MGMT: variants seen among roughly 807,000 people sequenced by gnomAD.
MGMT encodes the protein O-6-methylguanine-DNA methyltransferase.
MGMT carries 14 observed loss-of-function variants against 15.9 expected under a neutral mutation model. That is an observed-to-expected ratio of 0.88 (90% CI 0.58 to 1.37). The LOEUF (loss-of-function observed/expected upper bound fraction) is 1.37. Ranked by LOEUF, MGMT falls within the 40% of genes most tolerant of loss-of-function variation. MGMT has a pLI of 0.00. For synonymous variants in MGMT, 130 were observed against 118.2 expected, an observed-to-expected ratio of 1.10 and a Z score of -0.65; for missense variants, 282 against 268.1, an observed-to-expected ratio of 1.05 and a Z score of -0.36.
rs143413547 is a variant in MGMT at position 129,528,675 on chromosome 10, G to A, written c.-12-7566G>A. Among the ~76,000 whole-genome samples, 701 of 152,214 alleles carry A rather than the reference G, an allele frequency of 4.6e-3. 6 individuals carry two copies. Among genetic ancestry groups the A allele is most frequent in the African/African-American group, 0.016 (660 of 41,512 alleles). The stretch of plus-strand genomic sequence containing the variant: ...GGAGAACCGTGGTGGCGGAGTGGCC[G>A]TGGAGAGCTGCGGTGGTGGAGTAGC... On this transcript the variant is annotated intron_variant, in intron 1 of 4. Coordinates refer to ENST00000651593, the MANE Select transcript of MGMT (RefSeq NM_002412.5).
At chr10:129,544,999 A>G (rs1442543235) in intron 2 of MGMT, among the ~76,000 whole-genome samples, 14 of 152,202 alleles carry the variant, frequency 9.2e-5, no homozygotes. Context: ...CCTGTGGAAT[A>G]GCCCCTGCTT....
chr10:129,748,821 C>A (rs1481505765), intron 3 of MGMT, among the ~76,000 whole-genome samples: 1 of 152,206 alleles, frequency 6.6e-6, no homozygotes, highest in Non-Finnish European at 1.5e-5. Context: ...ATCCCACTCA[C>A]AATGAGAAAC....
rs185097546 is a variant in MGMT, at chr10:129,478,246, C to G, written c.-13+10950C>G. ...GTTGGTTGGTTGATTTTTTCCCCCCCTCCAGATTGGTCAGTATACACACAC... is the reference window on the plus strand; with the variant it reads ...GTTGGTTGGTTGATTTTTTCCCCCCGTCCAGATTGGTCAGTATACACACAC... On this transcript the variant is annotated intron_variant, in intron 1 of 4. Coordinates refer to ENST00000651593, the MANE Select transcript of MGMT (RefSeq NM_002412.5). 2.5e-4 allele frequency among the ~76,000 whole-genome samples: 38 copies of G among 152,156 alleles called. No individual in the cohort carries two copies. The South Asian group carries it at 6.0e-3, about 24-fold the overall frequency.
intron 4 of MGMT, among the ~76,000 whole-genome samples, chr10:129,765,637 T>A (rs1345264078): frequency 6.6e-6 from 1 of 152,184 alleles, no homozygotes; most frequent in Non-Finnish European, 1.5e-5. Context: ...GCCATCACTG[T>A]CCCCTCTGGC....
rs115203352 is a variant in MGMT at position 129,620,106 on chromosome 10, A to G, written c.125+83729A>G. 9.2e-3 allele frequency among the ~76,000 whole-genome samples: 1,394 copies of G among 152,268 alleles called. 18 individuals carry two copies. Among genetic ancestry groups the G allele is most frequent in the African/African-American group, 0.031 (1,306 of 41,560 alleles). On this transcript the variant is annotated intron_variant, in intron 2 of 4. Transcript: ENST00000651593. Reference sequence around the variant, plus strand: ...TTGGAGGCCGTTCATGATCCTTTCTAAGATTGGTCATTGATAGGAAACTTT... The same window carrying G: ...TTGGAGGCCGTTCATGATCCTTTCTGAGATTGGTCATTGATAGGAAACTTT...
At chr10:129,472,823 G>T (rs991064560) in intron 1 of MGMT, among the ~76,000 whole-genome samples, 8 of 152,190 alleles carry the variant, frequency 5.3e-5, no homozygotes, top group East Asian at 1.9e-4. Flanking sequence ...CCTCTGGTGC[G>T]TCTGAGGTCA....
At chr10:129,704,134 A>T (rs1848131379) in intron 2 of MGMT, among the ~76,000 whole-genome samples, 1 of 152,230 alleles carries the variant, frequency 6.6e-6, no homozygotes, top group East Asian at 1.9e-4. Context: ...GTTAGCAAAG[A>T]GCAGAGCAAG....
At chr10:129,578,223 T>C (rs1846509554) in intron 2 of MGMT, among the ~76,000 whole-genome samples, 1 of 152,194 alleles carries the variant, frequency 6.6e-6, no homozygotes, top group Admixed American at 6.5e-5. Flanking sequence ...GCTATAAAGA[T>C]ACATGTACAC....
intron 1 of MGMT, among the ~76,000 whole-genome samples, chr10:129,511,861 C>T (rs561527350): frequency 2.0e-5 from 3 of 152,284 alleles, no homozygotes; most frequent in Admixed American, 1.3e-4. Flanking sequence ...TATCGGAATC[C>T]GCATTGCACA....
intron 3 of MGMT, among the ~76,000 whole-genome samples, chr10:129,721,216 G>C (rs1848367207): frequency 6.6e-6 from 1 of 152,224 alleles, no homozygotes; most frequent in African/African-American, 2.4e-5. Context: ...TAGACATTTG[G>C]GTTCTGAAGT....
chr10:129,577,767 A>C (rs1331260881), intron 2 of MGMT, among the ~76,000 whole-genome samples: 2 of 152,226 alleles, frequency 1.3e-5, no homozygotes, highest in East Asian at 3.8e-4. Flanking sequence ...GAATAGGAGA[A>C]AATTTTCTCA....
At chr10:129,595,639 G>T (rs998295545) in intron 2 of MGMT, among the ~76,000 whole-genome samples, 3 of 152,132 alleles carry the variant, frequency 2.0e-5, no homozygotes, top group African/African-American at 7.2e-5. Context: ...GGCCCAGAGG[G>T]TTCCTGAAAT....
chr10:129,751,547 T>C (rs1848750651), intron 3 of MGMT, among the ~76,000 whole-genome samples: 1 of 151,038 alleles, frequency 6.6e-6, no homozygotes, highest in Non-Finnish European at 1.5e-5. Flanking sequence ...TTATTTCCTT[T>C]CTGGTTGTTT....
chr10:129,597,974 C>T (rs376777255), intron 2 of MGMT, among the ~76,000 whole-genome samples: 8 of 152,154 alleles, frequency 5.3e-5, no homozygotes, highest in East Asian at 3.9e-4. Flanking sequence ...GTAGAGGCTG[C>T]GCAGTGGCCC....
chr10:129,496,897 T>G (rs1245439320), intron 1 of MGMT, among the ~76,000 whole-genome samples: 1 of 152,152 alleles, frequency 6.6e-6, no homozygotes, highest in Non-Finnish European at 1.5e-5. Context: ...CTCTCTACAT[T>G]GCACAGGCTC....
At chr10:129,574,011 G>A (rs1036258882) in intron 2 of MGMT, among the ~76,000 whole-genome samples, 2 of 152,182 alleles carry the variant, frequency 1.3e-5, no homozygotes, top group Non-Finnish European at 2.9e-5. Flanking sequence ...GGAATCCCAA[G>A]GGCAACATGT....
In MGMT at chr10:129,467,260, C is replaced by G; in HGVS notation, c.-49C>G. On this transcript the variant is annotated 5_prime_UTR_variant, in exon 1 of 5. Coordinates refer to ENST00000651593, the MANE Select transcript of MGMT (RefSeq NM_002412.5). ...CCCTAGAACGCTTTGCGTCCCGACG[C>G]CCGCAGGTCCTCGCGGTGCGCACCG... 1.9e-6 allele frequency: 3 copies of G among 1,544,696 alleles called. No homozygotes were observed. Among genetic ancestry groups the G allele is most frequent in the Admixed American group, 4.0e-5 (2 of 50,334 alleles).
intron 1 of MGMT, among the ~76,000 whole-genome samples, chr10:129,486,894 A>G (rs574185762): frequency 5.3e-5 from 8 of 152,356 alleles, no homozygotes; most frequent in Non-Finnish European, 4.4e-5. Flanking sequence ...AACTCGCACA[A>G]CACTGTCATT....
At chr10:129,741,447 T>C (rs1368140454) in intron 3 of MGMT, among the ~76,000 whole-genome samples, 8 of 152,192 alleles carry the variant, frequency 5.3e-5, no homozygotes, top group Admixed American at 5.2e-4. Flanking sequence ...AGGGCTCCCC[T>C]GCATGGGAAA....
Sources: allele counts gnomAD v4.1 joint callset (sites outside exome capture counted in the v4.1 genomes callset), GRCh38; gene constraint gnomAD v4.1.1; transcripts MANE v1.5; gene names NCBI Gene and HGNC (gene_info 2026-07-23, HGNC 2026-07-21).